The following NT5M variants were observed in gnomAD, a reference collection of about 807,000 sequenced individuals.
NT5M encodes 5',3'-nucleotidase, mitochondrial.
Under a neutral mutation model 22.2 loss-of-function variants are expected in NT5M, and 22 were observed. The observed-to-expected ratio is 0.99, with a 90% CI of 0.71 to 1.41. The LOEUF is 1.41. Among genes scored for constraint, NT5M ranks in the 40% most tolerant of loss-of-function variants. The pLI is 0.00. For missense variants in NT5M, 322 were observed against 314.8 expected (o/e 1.02, Z -0.17); for synonymous variants, 167 against 133.0 (o/e 1.26, Z -1.76).
At chr17:17,306,750 G>C in intron 2 of NT5M, 107 bp downstream of exon 2, 1 of 808,528 alleles carries the variant, frequency 1.2e-6, no homozygotes. Context: ...CTCTCTCCTT[G>C]GCCCTGCGCA....
At position 17,325,127 on chromosome 17, in the gene NT5M, C is replaced by T. The variant is rs948910531; in HGVS notation, c.429+1882C>T. 8.5e-5 allele frequency among the ~76,000 whole-genome samples: 13 copies of T among 152,286 alleles called. No homozygotes were observed. The South Asian group carries it at 1.2e-3, about 15-fold the overall frequency. On this transcript the variant is annotated intron_variant, in intron 3 of 4. Transcript: ENST00000389022. ...GCCCGCCAGGTGATTCTCATACACC[C>T]TCAAGTTTAAGGATTGCGGGACTGG... is the stretch of plus-strand genomic sequence containing the variant.
intron 2 of NT5M, among the ~76,000 whole-genome samples, chr17:17,322,511 G>T (rs544627255): frequency 6.6e-6 from 1 of 152,214 alleles, no homozygotes; most frequent in South Asian, 2.1e-4. Context: ...GGACCCGGGA[G>T]TCTCACCTCT....
chr17:17,332,551 G>A (rs1174942845), intron 3 of NT5M, among the ~76,000 whole-genome samples: 1 of 152,108 alleles, frequency 6.6e-6, no homozygotes, highest in Non-Finnish European at 1.5e-5. Context: ...CCTGATTCTG[G>A]TTTAGAACGA....
intron 3 of NT5M, among the ~76,000 whole-genome samples, chr17:17,336,737 G>A (rs557438995): frequency 6.6e-6 from 1 of 151,900 alleles, no homozygotes; most frequent in Non-Finnish European, 1.5e-5. Context: ...TTTTAGTAGA[G>A]GTGGGGTTTC....
intron 3 of NT5M, 95 bp from the exon 4 acceptor site, chr17:17,344,699 G>A (rs2142387657): frequency 6.9e-7 from 1 of 1,441,142 alleles, no homozygotes; most frequent in Non-Finnish European, 9.5e-7. Flanking sequence ...CCTGTTAGCT[G>A]AGGTCTAGGC....
chr17:17,344,140 T>A (rs2049706585), intron 3 of NT5M, among the ~76,000 whole-genome samples: 1 of 152,088 alleles, frequency 6.6e-6, no homozygotes, highest in Non-Finnish European at 1.5e-5. Context: ...GCACCCCAGT[T>A]TGCTATCCAT....
At chr17:17,311,195 G>A (rs531326859) in intron 2 of NT5M, among the ~76,000 whole-genome samples, 7 of 152,116 alleles carry the variant, frequency 4.6e-5, no homozygotes, top group African/African-American at 1.7e-4. Context: ...ATAATTAGCT[G>A]GGTGTGGTGG....
intron 1 of NT5M, among the ~76,000 whole-genome samples, chr17:17,306,316 C>A (rs1210238231): frequency 1.3e-5 from 2 of 152,182 alleles, no homozygotes; most frequent in East Asian, 3.8e-4. Flanking sequence ...GGCCTGACAC[C>A]TTTGCTGGTC....
rs1488602201 is a variant in NT5M at position 17,303,416 on chromosome 17, CCCCGCTCCCCGT to C, written c.-129_-118del. 2 of 976,368 alleles carry C rather than the reference CCCCGCTCCCCGT, an allele frequency of 2.0e-6. No individual in the cohort carries two copies. Among genetic ancestry groups the C allele is most frequent in the Non-Finnish European group, 2.4e-6 (2 of 819,440 alleles). 60.5% of individuals were successfully genotyped at this position (976,368 alleles called of 1,614,324 possible). ...GCGCGCCCGCACCCCGCGCTCCCCG[CCCCGCTCCCCGT>C]CCCGCGCTCCACGCGCGCCCCAGCG... On this transcript the variant is annotated 5_prime_UTR_variant, in exon 1 of 5. Transcript: ENST00000389022.
intron 3 of NT5M, among the ~76,000 whole-genome samples, chr17:17,324,537 A>T (rs1023489876): frequency 1.3e-5 from 2 of 151,670 alleles, no homozygotes; most frequent in African/African-American, 4.8e-5. Flanking sequence ...TTCAGCCAAC[A>T]TAGCGTGCCC....
intron 2 of NT5M, among the ~76,000 whole-genome samples, chr17:17,316,926 G>T (rs896721848): frequency 1.4e-5 from 2 of 147,974 alleles, no homozygotes; most frequent in African/African-American, 5.0e-5. Context: ...CTGTTAGCCT[G>T]GATGGTCTCG....
At chr17:17,343,373 C>T (rs186466089) in intron 3 of NT5M, among the ~76,000 whole-genome samples, 30 of 152,192 alleles carry the variant, frequency 2.0e-4, no homozygotes, top group African/African-American at 6.0e-4. Flanking sequence ...AGGAGGTTGT[C>T]GTGGGTGGGC....
chr17:17,305,223 C>T (rs879286807), intron 1 of NT5M, among the ~76,000 whole-genome samples: 1 of 151,980 alleles, frequency 6.6e-6, no homozygotes, highest in Non-Finnish European at 1.5e-5. Flanking sequence ...AGGCTCTGTA[C>T]GTGTGGGGTT....
chr17:17,306,510 C>T, intron 1 of NT5M, 33 bp from the exon 2 acceptor site: 1 of 1,509,684 alleles, frequency 6.6e-7, no homozygotes, highest in South Asian at 1.1e-5. Flanking sequence ...TGCTGAGGAC[C>T]CTGGAAGTAA....
intron 3 of NT5M, among the ~76,000 whole-genome samples, chr17:17,341,359 A>C (rs146401000): frequency 6.6e-6 from 1 of 152,310 alleles, no homozygotes; most frequent in Non-Finnish European, 1.5e-5. Flanking sequence ...CTGTGAGGAA[A>C]CTGACCTCAC....
intron 2 of NT5M, among the ~76,000 whole-genome samples, chr17:17,310,601 C>T (rs987455286): frequency 3.3e-5 from 5 of 152,094 alleles, no homozygotes; most frequent in Admixed American, 6.6e-5. Flanking sequence ...CTTGGCAGGC[C>T]GAGGCAGGCA....
Position 17,340,767 on chromosome 17 carries a change from T to C in NT5M, c.430-4027T>C, listed in dbSNP as rs185957132. Among the ~76,000 whole-genome samples the C allele has an allele frequency of 2.6e-5, 4 of 152,280 alleles. No homozygotes were observed. The East Asian group carries it at 7.7e-4, about 29-fold the overall frequency. ...GTCTTGATCTCCTGACCTTGTGATCTGCCCGCCTTGGCCTCTCAAAGTGCT... is the reference window on the plus strand; with the variant it reads ...GTCTTGATCTCCTGACCTTGTGATCCGCCCGCCTTGGCCTCTCAAAGTGCT... On this transcript the variant is annotated intron_variant, in intron 3 of 4. Coordinates refer to ENST00000389022, the MANE Select transcript of NT5M (RefSeq NM_020201.4).
intron 1 of NT5M, 85 bp from the exon 2 acceptor site, chr17:17,306,458 C>T (rs969925309): frequency 2.3e-6 from 2 of 880,526 alleles, no homozygotes; most frequent in African/African-American, 3.3e-5. Context: ...GAACCACTCC[C>T]CCTATAGCCT....
At chr17:17,309,663 A>G (rs1321208899) in intron 2 of NT5M, among the ~76,000 whole-genome samples, 1 of 138,078 alleles carries the variant, frequency 7.2e-6, no homozygotes, top group Non-Finnish European at 1.5e-5. Flanking sequence ...ATGGCTAATG[A>G]TGCTCAAGCA....
Sources: gnomAD v4.1 joint callset for allele counts (sites outside exome capture counted in the v4.1 genomes callset) on GRCh38, gnomAD v4.1.1 for gene constraint, MANE v1.5 for transcripts, NCBI Gene and HGNC (gene_info 2026-07-23, HGNC 2026-07-21) for gene names.